Variants in KMT5B observed in about 807,000 individuals in gnomAD.
The protein encoded by KMT5B is lysine methyltransferase 5B.
KMT5B carries 10 observed loss-of-function variants against 83.2 expected under a neutral mutation model. The observed-to-expected ratio is 0.12, with a 90% CI of 0.07 to 0.20. KMT5B has a LOEUF of 0.20. Among genes scored for constraint, KMT5B ranks in the 10% least tolerant of loss-of-function variants. KMT5B has a pLI of 1.00. For missense variants in KMT5B, 753 were observed against 1,067.2 expected (o/e 0.71, Z 4.10); for synonymous variants, 349 against 388.8 (o/e 0.90, Z 1.20).
chr11:68,170,702 C>G (rs1286922607), intron 9 of KMT5B, among the ~76,000 whole-genome samples: 1 of 152,186 alleles, frequency 6.6e-6, no homozygotes, highest in Non-Finnish European at 1.5e-5. Context: ...CAACCCCATT[C>G]TGGCATTGCG....
intron 4 of KMT5B, 42 bp downstream of exon 4, chr11:68,180,090 G>C: frequency 6.5e-7 from 1 of 1,546,310 alleles, no homozygotes; most frequent in Non-Finnish European, 8.8e-7. Flanking sequence ...AGGCTAGAAT[G>C]GGTTAGTCAG....
chr11:68,180,970 G>A (rs181895839), intron 3 of KMT5B, among the ~76,000 whole-genome samples: 97 of 152,034 alleles, frequency 6.4e-4, no homozygotes, highest in Middle Eastern at 6.8e-3. Context: ...TACAACTCTT[G>A]CTTGTTAGTA....
chr11:68,165,373 A>G (rs1855222273), intron 10 of KMT5B, among the ~76,000 whole-genome samples: 1 of 152,140 alleles, frequency 6.6e-6, no homozygotes, highest in South Asian at 2.1e-4. Context: ...ATGCGGTGGC[A>G]CGTGCCTGTA....
At chr11:68,200,075 T>C (rs1236339081) in intron 1 of KMT5B, among the ~76,000 whole-genome samples, 1 of 152,142 alleles carries the variant, frequency 6.6e-6, no homozygotes, top group African/African-American at 2.4e-5. Flanking sequence ...GGCAGCTGGA[T>C]ACCAGGGTCT....
At chr11:68,209,110 T>A (rs1430065488) in intron 1 of KMT5B, among the ~76,000 whole-genome samples, 1 of 152,174 alleles carries the variant, frequency 6.6e-6, no homozygotes, top group African/African-American at 2.4e-5. Context: ...TAAAAATATC[T>A]ATTTCTCCAT....
At chr11:68,178,955 T>C (rs1223244000) in intron 4 of KMT5B, among the ~76,000 whole-genome samples, 1 of 152,196 alleles carries the variant, frequency 6.6e-6, no homozygotes, top group African/African-American at 2.4e-5. Flanking sequence ...GTTCCACAAA[T>C]GAGGAAAATA....
At chr11:68,180,875 T>C (rs1856853225) in intron 3 of KMT5B, among the ~76,000 whole-genome samples, 1 of 152,220 alleles carries the variant, frequency 6.6e-6, no homozygotes, top group South Asian at 2.1e-4. Context: ...TTAGGTTTCA[T>C]AATTGACAAA....
chr11:68,168,936 T>A (rs1361992260), intron 9 of KMT5B, among the ~76,000 whole-genome samples: 1 of 152,200 alleles, frequency 6.6e-6, no homozygotes, highest in Non-Finnish European at 1.5e-5. Context: ...AACTGTTCAG[T>A]TAATATGTAA....
intron 4 of KMT5B, among the ~76,000 whole-genome samples, chr11:68,178,002 C>A (rs998673714): frequency 1.3e-5 from 2 of 152,198 alleles, no homozygotes; most frequent in African/African-American, 2.4e-5. Flanking sequence ...TCAGCTAAGG[C>A]ATGACCTGTC....
rs1263192366 is a variant in KMT5B, at chr11:68,207,408, ATTT to A, written c.-77+5727_-77+5729del. ...ACACACACTCAATACTATCATCCCC[ATTT>A]TACAAATGAGAACAAAACTCAGAGA... On this transcript the variant is annotated intron_variant, in intron 1 of 10. Coordinates refer to ENST00000304363, the MANE Select transcript of KMT5B (RefSeq NM_017635.5). Among the ~76,000 whole-genome samples the A allele has an allele frequency of 2.0e-5, 3 of 152,190 alleles. No individual in the cohort carries two copies. In the East Asian group the frequency reaches 5.8e-4, roughly 29 times the overall value.
At chr11:68,196,095 T>G (rs1858673150) in intron 1 of KMT5B, among the ~76,000 whole-genome samples, 1 of 151,794 alleles carries the variant, frequency 6.6e-6, no homozygotes, top group African/African-American at 2.4e-5. Context: ...AGATGGAGGG[T>G]GAAGTGAGCC....
intron 1 of KMT5B, among the ~76,000 whole-genome samples, chr11:68,200,019 G>A (rs1386518873): frequency 1.3e-5 from 2 of 152,094 alleles, no homozygotes; most frequent in Admixed American, 1.3e-4. Flanking sequence ...GGTCTTTTTT[G>A]GTTTTAGTCA....
At chr11:68,173,729 T>C in intron 6 of KMT5B, 75 bp downstream of exon 6, 1 of 1,035,462 alleles carries the variant, frequency 9.7e-7, no homozygotes, top group Non-Finnish European at 1.4e-6. Flanking sequence ...TTACCATGAA[T>C]TTCTCAGCAC....
At chr11:68,166,468 G>C in intron 10 of KMT5B, 1 of 1,001,046 alleles carries the variant, frequency 1.0e-6, no homozygotes, top group Non-Finnish European at 1.2e-6. Flanking sequence ...TCACAATTCT[G>C]AGTCTGGTAC....
chr11:68,208,354 G>A (rs956048114), intron 1 of KMT5B, among the ~76,000 whole-genome samples: 1 of 152,024 alleles, frequency 6.6e-6, no homozygotes, highest in African/African-American at 2.4e-5. Flanking sequence ...GGCTGAGGCA[G>A]GAGAATTGCA....
chr11:68,161,236 A>T (rs1389629211), intron 10 of KMT5B, among the ~76,000 whole-genome samples: 1 of 152,192 alleles, frequency 6.6e-6, no homozygotes, highest in Non-Finnish European at 1.5e-5. Flanking sequence ...AAGAAAAAAT[A>T]GGGAACTCTT....
In KMT5B at chr11:68,155,947, A is replaced by G. The variant is rs185755128; in HGVS notation, c.*1741T>C. On this transcript the variant is annotated 3_prime_UTR_variant, in exon 11 of 11. Transcript: ENST00000304363. ...TTCCTTAGAGAACCAGGAGAAAACAATCTACTTTCTAAAAATGTTCATGAG... is the reference window on the plus strand; with the variant it reads ...TTCCTTAGAGAACCAGGAGAAAACAGTCTACTTTCTAAAAATGTTCATGAG... 1 of 152,352 alleles carries G rather than the reference A, an allele frequency of 6.6e-6. No homozygotes were observed. The highest frequency in any genetic ancestry group is 1.9e-4 in the East Asian group (1 of 5,192). The allele number at this position is 152,352 out of a possible 1,614,324, so 9.4% of individuals were successfully genotyped here.
Position 68,158,128 on chromosome 11 carries a change from A to G in KMT5B, c.2218T>C (p.Ser740Pro). The change falls in exon 11 of 11, where the codon TCT becomes CCT. Residue 740 changes from serine (S) to proline (P), a missense_variant. Physicochemically the swap from Ser to Pro is moderately conservative, Grantham distance 74 (BLOSUM62 -1). Coordinates refer to ENST00000304363, the MANE Select transcript of KMT5B (RefSeq NM_017635.5). Reference protein sequence around the residue: ...TNDQENDGMNSSKISIKLSKD... With the variant: ...TNDQENDGMNPSKISIKLSKD... ...CTTAACTTGATGCTTATTTTGGAAG[A>G]GTTCATTCCATCATTCTCTTGGTCA... 1 of 1,614,192 alleles carries G rather than the reference A, an allele frequency of 6.2e-7. No homozygotes were observed. Among genetic ancestry groups the G allele is most frequent in the Non-Finnish European group, 8.5e-7 (1 of 1,180,044 alleles).
In KMT5B at chr11:68,173,777, A is replaced by G. The variant is rs141742283; in HGVS notation, c.653+27T>C. On this transcript the variant is annotated intron_variant, in intron 6 of 10. Transcript: ENST00000304363. ...TTAGAAGAGAACTTTAAATTAAATT[A>G]AAGGCTTATACTAGTAGAATAGTTA... 4,428 of 1,317,542 alleles carry G rather than the reference A, an allele frequency of 3.4e-3. 9 individuals are homozygous for G. The highest frequency in any genetic ancestry group is 4.2e-3 in the Non-Finnish European group (3,928 of 938,862). 81.6% of individuals were successfully genotyped at this position (1,317,542 alleles called of 1,614,324 possible). A position where few individuals can be genotyped will look rare whatever the true frequency, so the allele number is the denominator to read the frequency against.
Sources: gnomAD v4.1 joint callset for allele counts (sites outside exome capture counted in the v4.1 genomes callset) on GRCh38, gnomAD v4.1.1 for gene constraint, MANE v1.5 for transcripts, NCBI Gene and HGNC (gene_info 2026-07-23, HGNC 2026-07-21) for gene names.